ARHGEF38: variants seen among roughly 807,000 people sequenced by gnomAD.
ARHGEF38 encodes Rho guanine nucleotide exchange factor 38.
In ARHGEF38, 79 loss-of-function variants were observed where a neutral mutation model predicts 79.9. The observed-to-expected ratio is 0.99, with a 90% CI of 0.82 to 1.19. The LOEUF is 1.19. ARHGEF38 is among the 50% of genes most tolerant of loss of function. The probability of loss-of-function intolerance (pLI) is 0.00; values close to 1 mark genes in which losing one functional copy is unlikely to be tolerated. For synonymous variants in ARHGEF38, 366 were observed against 328.3 expected (o/e 1.11, Z -1.24); for missense variants, 962 against 907.2 (o/e 1.06, Z -0.78).
intron 1 of ARHGEF38, chr4:105,561,465 G>C (rs868397945): frequency 4.1e-5 from 4 of 98,166 alleles, no homozygotes; most frequent in Non-Finnish European, 6.4e-5. Flanking sequence ...GAATAGAATA[G>C]AATAGAATAG....
At chr4:105,589,520 TC>T in intron 2 of ARHGEF38, 85 bp downstream of exon 2, 1 of 1,213,182 alleles carries the variant, frequency 8.2e-7, no homozygotes, top group Non-Finnish European at 1.1e-6. Context: ...CTCAGGTGTA[TC>T]AATGGGATGA....
intron 7 of ARHGEF38, 21 bp from the exon 8 acceptor site, chr4:105,654,044 A>T: frequency 7.7e-7 from 1 of 1,304,254 alleles, no homozygotes; most frequent in Non-Finnish European, 1.0e-6. Context: ...AGTTATGAAA[A>T]TAATTTCATA....
chr4:105,673,888 G>A (rs771446460), intron 13 of ARHGEF38, among the ~76,000 whole-genome samples: 8 of 152,124 alleles, frequency 5.3e-5, no homozygotes, highest in Non-Finnish European at 1.0e-4. Context: ...CTCCTGAAGG[G>A]TAAGAGAGAA....
At chr4:105,640,908 G>C (rs1305526043) in intron 5 of ARHGEF38, among the ~76,000 whole-genome samples, 3 of 152,046 alleles carry the variant, frequency 2.0e-5, no homozygotes, top group Non-Finnish European at 4.4e-5. Flanking sequence ...GGATTATAGA[G>C]TCTTCTTTTT....
At chr4:105,619,480 A>G (rs1383096837) in intron 3 of ARHGEF38, among the ~76,000 whole-genome samples, 1 of 152,072 alleles carries the variant, frequency 6.6e-6, no homozygotes, top group African/African-American at 2.4e-5. Context: ...TATTGTCTTA[A>G]GCTTTTAAGT....
intron 1 of ARHGEF38, among the ~76,000 whole-genome samples, chr4:105,579,077 G>GT (rs1318911297): frequency 6.6e-6 from 1 of 151,954 alleles, no homozygotes; most frequent in African/African-American, 2.4e-5. Flanking sequence ...TGCTAGTGGG[G>GT]TTTTTTTGGT....
At chr4:105,660,502 C>A (rs1431392023) in intron 10 of ARHGEF38, among the ~76,000 whole-genome samples, 4 of 151,482 alleles carry the variant, frequency 2.6e-5, no homozygotes. Context: ...TGCAAAGGCC[C>A]AATCTCGGCT....
intron 6 of ARHGEF38, among the ~76,000 whole-genome samples, chr4:105,646,788 A>T (rs1478487631): frequency 6.6e-6 from 1 of 152,150 alleles, no homozygotes; most frequent in African/African-American, 2.4e-5. Flanking sequence ...TAAATAAAAA[A>T]GTAGGTGTAT....
intron 2 of ARHGEF38, among the ~76,000 whole-genome samples, chr4:105,597,522 T>C (rs2110470469): frequency 6.6e-6 from 1 of 152,356 alleles, no homozygotes; most frequent in East Asian, 1.9e-4. Context: ...CAGAATTTTC[T>C]GATTGTAGTC....
intron 10 of ARHGEF38, among the ~76,000 whole-genome samples, chr4:105,665,884 G>A (rs1451208913): frequency 6.6e-6 from 1 of 152,116 alleles, no homozygotes; most frequent in East Asian, 1.9e-4. Context: ...CACCACAAGG[G>A]AGGTACCTAC....
chr4:105,648,817 T>TCC (rs1254590812), intron 7 of ARHGEF38, 135 bp downstream of exon 7: 36 of 753,050 alleles, frequency 4.8e-5, no homozygotes, highest in Middle Eastern at 2.5e-4. Flanking sequence ...TTCTCTTGTC[T>TCC]CCCTCTCTCT....
intron 13 of ARHGEF38, among the ~76,000 whole-genome samples, chr4:105,675,679 G>T (rs1213319804): frequency 6.6e-6 from 1 of 152,172 alleles, no homozygotes; most frequent in African/African-American, 2.4e-5. Context: ...CCATAAACTG[G>T]TTGGCTTATA....
In ARHGEF38 at chr4:105,642,708, C is replaced by T. The variant is rs117012402; in HGVS notation, c.675-2480C>T. On this transcript the variant is annotated intron_variant, in intron 5 of 13. Coordinates refer to ENST00000420470, the MANE Select transcript of ARHGEF38 (RefSeq NM_001242729.2). ...TGATGGGAGGGGAATTCCTACAAGA[C>T]GGCTGCACATCTGGGTTTTTGTTTT... Among the ~76,000 whole-genome samples, 539 of 152,174 alleles carry T rather than the reference C, an allele frequency of 3.5e-3. 8 individuals carry two copies. The East Asian group carries it at 0.04, about 11-fold the overall frequency.
chr4:105,629,287 A>T (rs1482230448), intron 3 of ARHGEF38, among the ~76,000 whole-genome samples: 1 of 152,178 alleles, frequency 6.6e-6, no homozygotes, highest in Non-Finnish European at 1.5e-5. Context: ...CAGGGAAAAA[A>T]TAAGAATACA....
intron 1 of ARHGEF38, among the ~76,000 whole-genome samples, chr4:105,554,760 A>AC (rs373929659): frequency 0.027 from 4,133 of 152,172 alleles, 183 homozygotes; most frequent in African/African-American, 0.094. Context: ...TAATTACAAA[A>AC]CATCTAGTAT....
chr4:105,629,106 G>C (rs766850192), intron 3 of ARHGEF38, among the ~76,000 whole-genome samples: 5 of 151,906 alleles, frequency 3.3e-5, no homozygotes, highest in Non-Finnish European at 5.9e-5. Flanking sequence ...AACCAAAAAC[G>C]ACTAGTACCC....
chr4:105,667,000 C>G (rs1730774689), intron 11 of ARHGEF38, 129 bp from the exon 12 acceptor site: 1 of 831,336 alleles, frequency 1.2e-6, no homozygotes, highest in African/African-American at 1.7e-5. Flanking sequence ...ATGCCTGCAC[C>G]TTGAAATAAT....
chr4:105,591,926 C>G (rs926990912), intron 2 of ARHGEF38, among the ~76,000 whole-genome samples: 3 of 152,080 alleles, frequency 2.0e-5, no homozygotes, highest in Non-Finnish European at 2.9e-5. Flanking sequence ...GCTGTGTTTT[C>G]TTTATTTTAT....
At chr4:105,571,726 G>A (rs1410470074) in intron 1 of ARHGEF38, among the ~76,000 whole-genome samples, 1 of 152,218 alleles carries the variant, frequency 6.6e-6, no homozygotes, top group African/African-American at 2.4e-5. Context: ...GTGCATGACT[G>A]TTCTTACCCA....
Sources: gnomAD v4.1 joint callset for allele counts (sites outside exome capture counted in the v4.1 genomes callset) on GRCh38, gnomAD v4.1.1 for gene constraint, MANE v1.5 for transcripts, NCBI Gene and HGNC (gene_info 2026-07-23, HGNC 2026-07-21) for gene names.